WDFY3: variants seen among roughly 807,000 people sequenced by gnomAD.
WDFY3 encodes WD repeat and FYVE domain containing 3, also known as WD repeat and FYVE domain-containing protein 3.
WDFY3 carries 66 observed loss-of-function variants against 409.6 expected under a neutral mutation model. The ratio of observed to expected loss-of-function variants is 0.16; its 90% CI spans 0.13 to 0.20. The LOEUF is 0.20. Among genes scored for constraint, WDFY3 ranks in the 10% least tolerant of loss-of-function variants. The probability of loss-of-function intolerance (pLI) is 1.00; values close to 1 mark genes in which losing one functional copy is unlikely to be tolerated. For missense variants in WDFY3, 3,031 were observed against 4,298.1 expected (o/e 0.71, Z 8.24); for synonymous variants, 1,521 against 1,537.1 (o/e 0.99, Z 0.25).
chr4:84,744,562 A>T (rs1739021367), intron 36 of WDFY3, among the ~76,000 whole-genome samples: 1 of 152,182 alleles, frequency 6.6e-6, no homozygotes, highest in Non-Finnish European at 1.5e-5. Context: ...TATTAAAAAA[A>T]GTAAGAAGGG....
intron 19 of WDFY3, 106 bp downstream of exon 19, chr4:84,796,415 T>A: frequency 1.6e-6 from 1 of 620,472 alleles, no homozygotes; most frequent in East Asian, 3.4e-5. Context: ...ATATTAAGTA[T>A]GGTAAAATAT....
intron 18 of WDFY3, 124 bp from the exon 19 acceptor site, chr4:84,796,876 G>T: frequency 1.4e-6 from 1 of 723,084 alleles, no homozygotes; most frequent in Non-Finnish European, 2.2e-6. Flanking sequence ...TAAGTGCCAA[G>T]ATCATTATCC....
chr4:84,946,774 C>T (rs1772889487), intron 1 of WDFY3, among the ~76,000 whole-genome samples: 1 of 152,014 alleles, frequency 6.6e-6, no homozygotes, highest in Non-Finnish European at 1.5e-5. Flanking sequence ...CAGACAGACA[C>T]CTGATCTGAA....
At chr4:84,695,214 T>C (rs1419438339) in intron 58 of WDFY3, among the ~76,000 whole-genome samples, 1 of 152,070 alleles carries the variant, frequency 6.6e-6, no homozygotes, top group Non-Finnish European at 1.5e-5. Context: ...TCACTGAACA[T>C]GAAACAGGCC....
intron 48 of WDFY3, among the ~76,000 whole-genome samples, chr4:84,718,180 T>A (rs1425935170): frequency 6.6e-6 from 1 of 150,702 alleles, no homozygotes; most frequent in Non-Finnish European, 1.5e-5. Flanking sequence ...ATAATATAAA[T>A]AACTCAGAAT....
chr4:84,812,841 T>C (rs924781594), intron 13 of WDFY3, among the ~76,000 whole-genome samples: 5 of 152,146 alleles, frequency 3.3e-5, no homozygotes, highest in African/African-American at 1.2e-4. Flanking sequence ...AATCTCAGTA[T>C]TCGAAAAATT....
intron 2 of WDFY3, among the ~76,000 whole-genome samples, chr4:84,916,608 A>C (rs1768523205): frequency 6.6e-6 from 1 of 152,184 alleles, no homozygotes; most frequent in African/African-American, 2.4e-5. Context: ...ATGTATCAAG[A>C]ATGTTGTTCC....
At chr4:84,798,461 C>G (rs1749904173) in intron 17 of WDFY3, among the ~76,000 whole-genome samples, 1 of 152,028 alleles carries the variant, frequency 6.6e-6, no homozygotes, top group African/African-American at 2.4e-5. Flanking sequence ...ATCTAATCAC[C>G]ATATAGCTAT....
At position 84,916,110 on chromosome 4, in the gene WDFY3, G is replaced by A. The variant is rs556387391; in HGVS notation, c.-132+16160C>T. Among the ~76,000 whole-genome samples, 12 of 152,112 alleles carry A rather than the reference G, an allele frequency of 7.9e-5. No homozygotes were observed. In the South Asian group the frequency reaches 2.5e-3, roughly 32 times the overall value. On this transcript the variant is annotated intron_variant, in intron 2 of 67. Coordinates refer to ENST00000295888, the MANE Select transcript of WDFY3 (RefSeq NM_014991.6). ...GTACAAGACAACTATCTTTTTTGTG[G>A]ACAAGCTGTAATTTCAGAAAACGGA... is the stretch of plus-strand genomic sequence containing the variant.
At chr4:84,688,350 G>A (rs1249234936) in intron 61 of WDFY3, 85 bp from the exon 62 acceptor site, 1 of 1,362,584 alleles carries the variant, frequency 7.3e-7, no homozygotes, top group Non-Finnish European at 1.0e-6. Context: ...GGATGCATCA[G>A]GAAGCAGTGG....
chr4:84,770,527 GAACT>G (rs1030873528), intron 30 of WDFY3, among the ~76,000 whole-genome samples: 28 of 152,014 alleles, frequency 1.8e-4, no homozygotes, highest in Non-Finnish European at 4.4e-5. Context: ...CTTCTTTCTA[GAACT>G]AACGCTCAGG....
In WDFY3 at chr4:84,900,693, G is replaced by A. The variant is rs950478997; in HGVS notation, c.-131-3683C>T. On this transcript the variant is annotated intron_variant, in intron 2 of 67. Coordinates refer to ENST00000295888, the MANE Select transcript of WDFY3 (RefSeq NM_014991.6). ...AGGGGTTAGAGGTGAGAGAGACTGT[G>A]ACTATAAAGGAACAGAACAAGGAAG... Among the ~76,000 whole-genome samples, 3 of 152,166 alleles carry A rather than the reference G, an allele frequency of 2.0e-5. No individual in the cohort carries two copies. The East Asian group carries it at 5.8e-4, about 29-fold the overall frequency.
rs1012166888 is a variant in WDFY3 at position 84,817,848 on chromosome 4, T to C, written c.1694-263A>G. On this transcript the variant is annotated intron_variant, in intron 12 of 67. Coordinates refer to ENST00000295888, the MANE Select transcript of WDFY3 (RefSeq NM_014991.6). Reference sequence around the variant, plus strand: ...TCACCATGTCCAAGCTCTCAAAATCTAGAACATTCACAAGTCTCTTAGGCA... The same window carrying C: ...TCACCATGTCCAAGCTCTCAAAATCCAGAACATTCACAAGTCTCTTAGGCA... 2.6e-5 allele frequency among the ~76,000 whole-genome samples: 4 copies of C among 152,294 alleles called. No individual in the cohort carries two copies. The East Asian group carries it at 7.7e-4, about 29-fold the overall frequency.
At chr4:84,737,060 A>T in intron 41 of WDFY3, 124 bp downstream of exon 41, 2 of 985,364 alleles carry the variant, frequency 2.0e-6, no homozygotes, top group Non-Finnish European at 2.9e-6. Context: ...AATGGTTGTT[A>T]TATTGATTTT....
intron 2 of WDFY3, among the ~76,000 whole-genome samples, chr4:84,917,052 C>G (rs1033596999): frequency 6.6e-6 from 1 of 152,024 alleles, no homozygotes; most frequent in East Asian, 1.9e-4. Flanking sequence ...ATCACACACA[C>G]GAAAAATAGA....
chr4:84,940,970 T>C (rs1451171691), intron 1 of WDFY3, among the ~76,000 whole-genome samples: 1 of 152,044 alleles, frequency 6.6e-6, no homozygotes, highest in African/African-American at 2.4e-5. Flanking sequence ...ATTCAACATC[T>C]ATTAATGATA....
chr4:84,715,226 C>T (rs912058294), intron 50 of WDFY3, 72 bp downstream of exon 50: 2 of 822,846 alleles, frequency 2.4e-6, no homozygotes, highest in Admixed American at 5.1e-5. Flanking sequence ...TAAAAACCAG[C>T]AAAACTGAGA....
At chr4:84,747,748 T>G (rs1227939583) in intron 36 of WDFY3, among the ~76,000 whole-genome samples, 3 of 152,108 alleles carry the variant, frequency 2.0e-5, no homozygotes, top group African/African-American at 7.2e-5. Context: ...CCTACTTCAT[T>G]CTGCACTTGT....
At chr4:84,727,646 T>C (rs960337369) in intron 44 of WDFY3, among the ~76,000 whole-genome samples, 1 of 152,204 alleles carries the variant, frequency 6.6e-6, no homozygotes, top group Admixed American at 6.6e-5. Flanking sequence ...AGCACACAGG[T>C]AGCTACAGAC....
Sources: gnomAD v4.1 joint callset for allele counts (sites outside exome capture counted in the v4.1 genomes callset) on GRCh38, gnomAD v4.1.1 for gene constraint, MANE v1.5 for transcripts, NCBI Gene and HGNC (gene_info 2026-07-23, HGNC 2026-07-21) for gene names.